The following CSGALNACT1 variants were observed in gnomAD, a reference collection of about 807,000 sequenced individuals.
The protein encoded by CSGALNACT1 is beta4GalNAcT-1.
A neutral mutation model predicts 51.0 loss-of-function variants in CSGALNACT1; 52 were observed. The ratio of observed to expected loss-of-function variants is 1.02; its 90% CI spans 0.82 to 1.29. CSGALNACT1 has a LOEUF of 1.29. Among genes scored for constraint, CSGALNACT1 ranks in the 50% most tolerant of loss-of-function variants. CSGALNACT1 has a pLI of 0.00. For missense variants in CSGALNACT1, 935 were observed against 679.2 expected (o/e 1.38, Z -4.19); for synonymous variants, 341 against 254.4 (o/e 1.34, Z -3.24).
chr8:19,575,777 A>AT (rs2044064759), intron 3 of CSGALNACT1, among the ~76,000 whole-genome samples: 1 of 152,092 alleles, frequency 6.6e-6, no homozygotes, highest in Non-Finnish European at 1.5e-5. Context: ...TATTCCCCTG[A>AT]TTTTTTTCAA....
intron 1 of CSGALNACT1, among the ~76,000 whole-genome samples, chr8:19,715,386 A>T (rs2062746899): frequency 6.6e-6 from 1 of 152,192 alleles, no homozygotes; most frequent in South Asian, 2.1e-4. Context: ...GGGATTTGCT[A>T]TTCTGTTCCT....
chr8:19,419,374 T>G (rs986384604), intron 7 of CSGALNACT1, among the ~76,000 whole-genome samples: 5 of 152,240 alleles, frequency 3.3e-5, no homozygotes, highest in Non-Finnish European at 7.3e-5. Context: ...CTTTACTTGC[T>G]GGCTCATGGG....
chr8:19,466,264 A>G (rs1217032045), intron 4 of CSGALNACT1, among the ~76,000 whole-genome samples: 1 of 152,226 alleles, frequency 6.6e-6, no homozygotes, highest in African/African-American at 2.4e-5. Context: ...GGGAGAGGGC[A>G]AAACACTACT....
chr8:19,497,612 A>G (rs2075712802), intron 4 of CSGALNACT1, among the ~76,000 whole-genome samples: 1 of 152,262 alleles, frequency 6.6e-6, no homozygotes, highest in African/African-American at 2.4e-5. Context: ...TCACTTCTGC[A>G]TAGAGATGGA....
chr8:19,599,832 C>A (rs56094913), intron 2 of CSGALNACT1, among the ~76,000 whole-genome samples: 5,528 of 152,272 alleles, frequency 0.036, 152 homozygotes, highest in East Asian at 0.12. Flanking sequence ...TGAAAGAAAC[C>A]AACGTGCACA....
chr8:19,543,824 T>C (rs767474768), intron 3 of CSGALNACT1, among the ~76,000 whole-genome samples: 6 of 152,180 alleles, frequency 3.9e-5, no homozygotes, highest in Non-Finnish European at 8.8e-5. Context: ...TGAGTCCTCC[T>C]AGTAGGACTC....
chr8:19,625,492 C>G (rs2054332085), intron 1 of CSGALNACT1, among the ~76,000 whole-genome samples: 1 of 152,044 alleles, frequency 6.6e-6, no homozygotes, highest in Non-Finnish European at 1.5e-5. Context: ...TTTTATCATC[C>G]CAGGTTTCTC....
At chr8:19,453,533 C>A (rs1260778866) in intron 5 of CSGALNACT1, among the ~76,000 whole-genome samples, 2 of 152,096 alleles carry the variant, frequency 1.3e-5, no homozygotes, top group Non-Finnish European at 2.9e-5. Flanking sequence ...GCAAACAGAA[C>A]TCAAAAATAA....
At chr8:19,428,746 G>C (rs572093878) in intron 6 of CSGALNACT1, among the ~76,000 whole-genome samples, 4 of 152,026 alleles carry the variant, frequency 2.6e-5, no homozygotes, top group Non-Finnish European at 5.9e-5. Flanking sequence ...CAGAGGGAAA[G>C]TATGCCTGGC....
chr8:19,473,737 G>C (rs2068751294), intron 4 of CSGALNACT1, among the ~76,000 whole-genome samples: 1 of 152,174 alleles, frequency 6.6e-6, no homozygotes, highest in South Asian at 2.1e-4. Context: ...ATTAGTGGTG[G>C]AAATTCATTT....
intron 1 of CSGALNACT1, among the ~76,000 whole-genome samples, chr8:19,657,701 G>A (rs1222348601): frequency 6.6e-6 from 1 of 152,172 alleles, no homozygotes; most frequent in Non-Finnish European, 1.5e-5. Context: ...CAAATCTGAG[G>A]AAAGAATGTT....
At chr8:19,555,508 A>T (rs1446634868) in intron 3 of CSGALNACT1, among the ~76,000 whole-genome samples, 1 of 152,180 alleles carries the variant, frequency 6.6e-6, no homozygotes, top group African/African-American at 2.4e-5. Context: ...TTTCTGACCT[A>T]TTTGAAGCAT....
rs545564338 is a variant in CSGALNACT1, at chr8:19,662,622, T to C, written c.-544+19851A>G. On this transcript the variant is annotated intron_variant, in intron 1 of 9. Coordinates refer to the CSGALNACT1 transcript ENST00000332246. Reference sequence around the variant, plus strand: ...CATTCTATTATTTCCTCTTTGCTGATAGGAAACCTTTAAATCCTGAAGTGA... The same window carrying C: ...CATTCTATTATTTCCTCTTTGCTGACAGGAAACCTTTAAATCCTGAAGTGA... 2.5e-3 allele frequency among the ~76,000 whole-genome samples: 387 copies of C among 152,340 alleles called. 1 individual carries two copies. The highest frequency in any genetic ancestry group is 9.0e-3 in the African/African-American group (374 of 41,592).
chr8:19,660,917 T>G (rs1266961138), intron 1 of CSGALNACT1, among the ~76,000 whole-genome samples: 2 of 152,100 alleles, frequency 1.3e-5, no homozygotes, highest in Non-Finnish European at 2.9e-5. Context: ...TTGTTTGTTT[T>G]GTTTTTGTTT....
Position 19,405,250 on chromosome 8 carries a change from T to C in CSGALNACT1, c.*530A>G, listed in dbSNP as rs752098184. The C allele has an allele frequency of 8.8e-6, 4 of 453,518 alleles. 1 individual carries two copies. The highest frequency in any genetic ancestry group is 6.2e-5 in the South Asian group (4 of 64,102). The allele number at this position is 453,518 out of a possible 1,614,324, so 28.1% of individuals were successfully genotyped here. A position where few individuals can be genotyped will look rare whatever the true frequency, so the allele number is the denominator to read the frequency against. On this transcript the variant is annotated 3_prime_UTR_variant, in exon 10 of 10. Transcript: ENST00000454498. ...ATCTTGGGGAAAATATGACACGATA[T>C]TTATGGTTTCTTTTCTTTTCTGGTC...
chr8:19,458,919 T>G (rs1466623313), intron 4 of CSGALNACT1, among the ~76,000 whole-genome samples: 1 of 152,196 alleles, frequency 6.6e-6, no homozygotes, highest in Non-Finnish European at 1.5e-5. Flanking sequence ...CAGAGGCATT[T>G]GCAAAAGGAT....
At chr8:19,455,913 G>T (rs573029006) in intron 5 of CSGALNACT1, among the ~76,000 whole-genome samples, 1 of 152,260 alleles carries the variant, frequency 6.6e-6, no homozygotes, top group African/African-American at 2.4e-5. Context: ...CATGCAAAAG[G>T]CTCTCAAAAC....
intron 1 of CSGALNACT1, among the ~76,000 whole-genome samples, chr8:19,649,262 C>A (rs2057556102): frequency 6.6e-6 from 1 of 152,086 alleles, no homozygotes; most frequent in African/African-American, 2.4e-5. Context: ...TACAAAGAAC[C>A]TCCTAGTGTA....
intron 1 of CSGALNACT1, among the ~76,000 whole-genome samples, chr8:19,679,341 G>T (rs1208701867): frequency 2.6e-5 from 4 of 152,022 alleles, no homozygotes; most frequent in African/African-American, 9.7e-5. Context: ...TCTAGTCCCA[G>T]CTACTTGGGA....
Sources: allele counts gnomAD v4.1 joint callset (sites outside exome capture counted in the v4.1 genomes callset), GRCh38; gene constraint gnomAD v4.1.1; transcripts MANE v1.5; gene names NCBI Gene and HGNC (gene_info 2026-07-23, HGNC 2026-07-21).